Variants in GCDH observed in about 807,000 individuals in gnomAD.
GCDH encodes the protein glutaryl-CoA dehydrogenase, also known as glutaryl-CoA dehydrogenase, mitochondrial.
A neutral mutation model predicts 52.8 loss-of-function variants in GCDH; 31 were observed. That is an observed-to-expected ratio of 0.59 (90% confidence interval 0.44 to 0.79). The LOEUF (loss-of-function observed/expected upper bound fraction) is 0.79. GCDH is among the 30% of genes least tolerant of loss of function. The probability of loss-of-function intolerance (pLI) is 0.00; values close to 1 mark genes in which losing one functional copy is unlikely to be tolerated. For missense variants in GCDH, 509 were observed against 595.0 expected (o/e 0.86, Z 1.50); for synonymous variants, 242 against 250.0 (o/e 0.97, Z 0.30).
In GCDH at chr19:12,896,365, A is replaced by G. The variant is rs745357523; in HGVS notation, c.796A>G (p.Met266Val). ...LRASATGMII[M>V]DGVEVPEENV... ...GGCCTCAGCCACAGGCATGATCATC[A>G]TGGACGGTGTGGAGGTGCCAGAGGA... is the stretch of plus-strand genomic sequence containing the variant. Residue 266 changes from methionine (M) to valine (V), a missense_variant, in exon 8 of 12, where the codon ATG (methionine) becomes GTG (valine). Coordinates refer to ENST00000222214, the MANE Select transcript of GCDH (RefSeq NM_000159.4). This position sits in a 1 kb window ranked among gnomAD's most constrained non-coding sequence, Gnocchi z 5.5. 3.1e-6 allele frequency: 5 copies of G among 1,613,988 alleles called. No individual in the cohort carries two copies. Among genetic ancestry groups the G allele is most frequent in the Non-Finnish European group, 4.2e-6 (5 of 1,180,006 alleles).
chr19:12,899,867 T>G lies in GCDH; in HGVS notation c.*326T>G. ...TCTGCTGCAGCTGACCCCCTCACAC[T>G]GAGTTCACAGTGCGCCCTCCCTCCC... On this transcript the variant is annotated 3_prime_UTR_variant, in exon 12 of 12. Coordinates refer to ENST00000222214, the MANE Select transcript of GCDH (RefSeq NM_000159.4). The G allele has an allele frequency of 6.3e-7, 1 of 1,590,018 alleles. No individual in the cohort carries two copies. The highest frequency in any genetic ancestry group is 1.1e-5 in the South Asian group (1 of 89,508).
intron 6 of GCDH, chr19:12,894,783 T>C: frequency 1.3e-6 from 1 of 786,524 alleles, no homozygotes; most frequent in African/African-American, 1.8e-5. Context: ...GCCAAGAGAA[T>C]GAAGGAGGCT....
At position 12,896,838 on chromosome 19, in the gene GCDH, T is replaced by C; in HGVS notation, c.853-72T>C. The C allele has an allele frequency of 9.3e-7, 1 of 1,072,342 alleles. No individual in the cohort carries two copies. The highest frequency in any genetic ancestry group is 1.4e-6 in the Non-Finnish European group (1 of 695,026). The allele number at this position is 1,072,342 out of a possible 1,614,324, so 66.4% of individuals were successfully genotyped here. On this transcript the variant is annotated intron_variant, in intron 8 of 11. Coordinates refer to ENST00000222214, the MANE Select transcript of GCDH (RefSeq NM_000159.4). This position sits in a 1 kb window ranked among gnomAD's most constrained non-coding sequence, Gnocchi z 5.5. The stretch of plus-strand genomic sequence containing the variant: ...TGGCTGGGGAGGAGGCTTTCCCTGC[T>C]TCAGAGTTGGTTCTGCATAGGCCCT...
chr19:12,899,476 G>C lies in GCDH; in HGVS notation c.1252G>C (p.Asp418His). 1.2e-6 allele frequency: 2 copies of C among 1,614,190 alleles called. No homozygotes were observed. Among genetic ancestry groups the C allele is most frequent in the Non-Finnish European group, 1.7e-6 (2 of 1,180,038 alleles). Residue 418 changes from aspartate (D) to histidine (H), a missense_variant, in exon 12 of 12, where the codon GAC becomes CAC. Asp to His is a moderately conservative substitution (Grantham distance 81, BLOSUM62 -1). Coordinates refer to ENST00000222214, the MANE Select transcript of GCDH (RefSeq NM_000159.4). Reference protein sequence around the residue: ...EAVNTYEGTHDIHALILGRAI... With the variant: ...EAVNTYEGTHHIHALILGRAI... ...GTATTAATCTTGTCCAGGTACACATGACATTCACGCCCTGATCCTTGGGAG... is the reference window on the plus strand; with the variant it reads ...GTATTAATCTTGTCCAGGTACACATCACATTCACGCCCTGATCCTTGGGAG...
At chr19:12,894,750 C>T (rs1970635471) in intron 6 of GCDH, 2 of 834,024 alleles carry the variant, frequency 2.4e-6, no homozygotes, top group South Asian at 2.0e-5. Context: ...AAAGAAGAGG[C>T]TGCAGAATAT....
rs1183540645 is a variant in GCDH, at chr19:12,891,273, C to T, written c.-32C>T. On this transcript the variant is annotated splice_region_variant and 5_prime_UTR_variant, in exon 2 of 12. Coordinates refer to ENST00000222214, the MANE Select transcript of GCDH (RefSeq NM_000159.4). The stretch of plus-strand genomic sequence containing the variant: ...CTCTGACACCCCCGCTCCTGTAGGT[C>T]GCCGTCGTTGCTCCGCTCGCTCTGA... 1.1e-5 allele frequency: 17 copies of T among 1,574,922 alleles called. No homozygotes were observed. Among genetic ancestry groups the T allele is most frequent in the Non-Finnish European group, 1.3e-5 (15 of 1,158,922 alleles).
intron 6 of GCDH, among the ~76,000 whole-genome samples, chr19:12,895,497 G>A (rs1363025566): frequency 6.6e-6 from 1 of 150,600 alleles, no homozygotes; most frequent in African/African-American, 2.4e-5. Flanking sequence ...CAGACCTCAA[G>A]TGATCCATCT....
At position 12,897,293 on chromosome 19, in the gene GCDH, G is replaced by A. The variant is rs1354850852; in HGVS notation, c.957-10G>A. The A allele has an allele frequency of 1.9e-6, 3 of 1,613,652 alleles. No individual in the cohort carries two copies. The highest frequency in any genetic ancestry group is 2.2e-5 in the East Asian group (1 of 44,868). ...CTCCCCTCGCTCTTACCCTGCCATT[G>A]CCCATGTAGGATGCAGTTTGGTGTC... On this transcript the variant is annotated splice_polypyrimidine_tract_variant and intron_variant, in intron 9 of 11. Coordinates refer to ENST00000222214, the MANE Select transcript of GCDH (RefSeq NM_000159.4).
In GCDH at chr19:12,896,819, GGGA is replaced by G; in HGVS notation, c.853-85_853-83del. 1.1e-6 allele frequency: 1 copy of G among 878,038 alleles called. No individual in the cohort carries two copies. Among genetic ancestry groups the G allele is most frequent in the Non-Finnish European group, 1.9e-6 (1 of 528,960 alleles). 54.4% of individuals were successfully genotyped at this position (878,038 alleles called of 1,614,324 possible). Reference sequence around the variant, plus strand: ...TGAGTCCCCCTGCGTGGGGTGGCTGGGGAGGAGGCTTTCCCTGCTTCAGAGTTG... The same window carrying G: ...TGAGTCCCCCTGCGTGGGGTGGCTGGGGAGGCTTTCCCTGCTTCAGAGTTG... On this transcript the variant is annotated intron_variant, in intron 8 of 11. Coordinates refer to ENST00000222214, the MANE Select transcript of GCDH (RefSeq NM_000159.4). This position sits in a 1 kb window ranked among gnomAD's most constrained non-coding sequence, Gnocchi z 5.5.
chr19:12,898,064 C>T, intron 11 of GCDH: 1 of 605,912 alleles, frequency 1.7e-6, no homozygotes, highest in Non-Finnish European at 3.0e-6. Context: ...ATGCAGCACA[C>T]AGAGGCCCCA....
intron 5 of GCDH, among the ~76,000 whole-genome samples, 170 bp from the exon 6 acceptor site, chr19:12,893,313 C>T (rs552378298): frequency 2.0e-5 from 3 of 152,282 alleles, no homozygotes; most frequent in Admixed American, 2.0e-4. Flanking sequence ...TAAAGTGGGG[C>T]TGTTGTCCCA....
Position 12,896,834 on chromosome 19 carries a change from C to G in GCDH, c.853-76C>G, listed in dbSNP as rs1970691618. 4 of 1,034,812 alleles carry G rather than the reference C, an allele frequency of 3.9e-6. No individual in the cohort carries two copies. Among genetic ancestry groups the G allele is most frequent in the Non-Finnish European group, 6.0e-6 (4 of 663,232 alleles). The allele number at this position is 1,034,812 out of a possible 1,614,324, so 64.1% of individuals were successfully genotyped here. ...GGGGTGGCTGGGGAGGAGGCTTTCC[C>G]TGCTTCAGAGTTGGTTCTGCATAGG... On this transcript the variant is annotated intron_variant, in intron 8 of 11. Transcript: ENST00000222214. This position sits in a 1 kb window ranked among gnomAD's most constrained non-coding sequence, Gnocchi z 5.5.
At chr19:12,897,914 G>A in intron 11 of GCDH, 51 bp downstream of exon 11, 2 of 1,529,326 alleles carry the variant, frequency 1.3e-6, no homozygotes, top group Non-Finnish European at 1.8e-6. Context: ...TCTGGGGAGG[G>A]GGTACAGGGA....
Position 12,896,172 on chromosome 19 carries a change from G to A in GCDH, c.636-33G>A, listed in dbSNP as rs1196617983. 9 of 1,613,984 alleles carry A rather than the reference G, an allele frequency of 5.6e-6. No homozygotes were observed. Among genetic ancestry groups the A allele is most frequent in the Non-Finnish European group, 7.6e-6 (9 of 1,179,864 alleles). ...TGGTGAACAGGGGCAAAGGGGCACT[G>A]GTCAGACCCCTCACCGACTGTTCCA... On this transcript the variant is annotated intron_variant, in intron 7 of 11. Coordinates refer to ENST00000222214, the MANE Select transcript of GCDH (RefSeq NM_000159.4). This position sits in a 1 kb window ranked among gnomAD's most constrained non-coding sequence, Gnocchi z 5.5.
chr19:12,897,253 G>C (rs1403422205), intron 9 of GCDH, 50 bp from the exon 10 acceptor site: 1 of 1,611,838 alleles, frequency 6.2e-7, no homozygotes, highest in South Asian at 1.1e-5. Flanking sequence ...ACAGGGACGG[G>C]GTGGGAGAGT....
chr19:12,891,697 A>T lies in GCDH; in HGVS notation c.128-134A>T, dbSNP rs532647383. 2.6e-4 allele frequency: 415 copies of T among 1,600,584 alleles called. 2 individuals carry two copies. In the South Asian group the frequency reaches 4.4e-3, roughly 17 times the overall value. Reference sequence around the variant, plus strand: ...GTGCCTGCGGGGCCGGAGAAAAGTCACCTGATCAGTCTCGCTTGCAGCTCG... The same window carrying T: ...GTGCCTGCGGGGCCGGAGAAAAGTCTCCTGATCAGTCTCGCTTGCAGCTCG... On this transcript the variant is annotated intron_variant, in intron 3 of 11. Coordinates refer to ENST00000222214, the MANE Select transcript of GCDH (RefSeq NM_000159.4).
intron 6 of GCDH, chr19:12,894,780 G>A: frequency 1.3e-6 from 1 of 795,052 alleles, no homozygotes; most frequent in Non-Finnish European, 2.0e-6. Context: ...TTGGCCAAGA[G>A]AATGAAGGAG....
chr19:12,894,046 C>G (rs1277277153), intron 6 of GCDH: 1 of 649,966 alleles, frequency 1.5e-6, no homozygotes, highest in Non-Finnish European at 2.7e-6. Context: ...ATTAGAAAAA[C>G]AAAAAAAGGA....
intron 6 of GCDH, 47 bp from the exon 7 acceptor site, chr19:12,895,945 A>G (rs1381248093): frequency 6.2e-7 from 1 of 1,611,012 alleles, no homozygotes; most frequent in East Asian, 2.2e-5. Flanking sequence ...GAGTAAGGGG[A>G]TGTATCAGGG....
Sources: allele counts gnomAD v4.1 joint callset (sites outside exome capture counted in the v4.1 genomes callset), GRCh38; gene constraint gnomAD v4.1.1; non-coding constraint Gnocchi (gnomAD v3.1); transcripts MANE v1.5; gene names NCBI Gene and HGNC (gene_info 2026-07-23, HGNC 2026-07-21).